The following KCND3 variants were observed in gnomAD, a reference collection of about 807,000 sequenced individuals.
KCND3 encodes the protein A-type voltage-gated potassium channel KCND3.
A neutral mutation model predicts 51.1 loss-of-function variants in KCND3; 9 were observed. That is an observed-to-expected ratio of 0.18 (90% CI 0.11 to 0.31). The LOEUF (loss-of-function observed/expected upper bound fraction) is 0.31, where lower values mean the gene tolerates loss of function less well. KCND3 is among the 10% of genes least tolerant of loss of function. The pLI is 1.00. For synonymous variants in KCND3, 349 were observed against 368.0 expected (o/e 0.95, Z 0.59); for missense variants, 526 against 903.8 (o/e 0.58, Z 5.36).
chr1:111,828,113 A>G (rs1397786378), intron 2 of KCND3, among the ~76,000 whole-genome samples: 1 of 152,216 alleles, frequency 6.6e-6, no homozygotes, highest in Non-Finnish European at 1.5e-5. Context: ...CTCTGCCCCA[A>G]GCAGCAGCAC....
chr1:111,803,580 T>A (rs1665423381), intron 2 of KCND3, among the ~76,000 whole-genome samples: 1 of 152,168 alleles, frequency 6.6e-6, no homozygotes, highest in Non-Finnish European at 1.5e-5. Flanking sequence ...CCATCACACA[T>A]ACACTCACAC....
At chr1:111,892,486 T>C (rs1477006219) in intron 2 of KCND3, among the ~76,000 whole-genome samples, 1 of 152,214 alleles carries the variant, frequency 6.6e-6, no homozygotes, top group Non-Finnish European at 1.5e-5. Flanking sequence ...AGTCATTTGC[T>C]TACAAAATAA....
intron 2 of KCND3, among the ~76,000 whole-genome samples, chr1:111,932,292 C>T (rs906730544): frequency 2.0e-5 from 3 of 152,170 alleles, no homozygotes; most frequent in Non-Finnish European, 4.4e-5. Flanking sequence ...GTTTGGGCAC[C>T]ACTGGGGGCT....
At chr1:111,984,872 T>C (rs1041690722) in intron 1 of KCND3, among the ~76,000 whole-genome samples, 1 of 152,144 alleles carries the variant, frequency 6.6e-6, no homozygotes, top group African/African-American at 2.4e-5. Context: ...TGATGCTTCC[T>C]CCTCTCCTCA....
intron 2 of KCND3, among the ~76,000 whole-genome samples, chr1:111,951,848 C>G (rs185671322): frequency 3.3e-5 from 5 of 152,292 alleles, no homozygotes; most frequent in African/African-American, 1.2e-4. Flanking sequence ...TCCAAAGGAA[C>G]ATCCAAGGTG....
chr1:111,937,665 G>C (rs942141815), intron 2 of KCND3, among the ~76,000 whole-genome samples: 1 of 152,160 alleles, frequency 6.6e-6, no homozygotes, highest in Non-Finnish European at 1.5e-5. Flanking sequence ...GAGGGACGAG[G>C]CCAGGGCATA....
At chr1:111,965,238 G>C (rs115197422) in intron 2 of KCND3, among the ~76,000 whole-genome samples, 2,272 of 152,020 alleles carry the variant, frequency 0.015, 58 homozygotes, top group African/African-American at 0.052. Flanking sequence ...GCTCATCTAA[G>C]GACCAGAAGA....
intron 1 of KCND3, among the ~76,000 whole-genome samples, chr1:111,986,002 C>G (rs1370617316): frequency 6.6e-6 from 1 of 152,210 alleles, no homozygotes; most frequent in African/African-American, 2.4e-5. Context: ...ATAGAAGAGT[C>G]AGGAACACAT....
intron 2 of KCND3, among the ~76,000 whole-genome samples, chr1:111,885,956 C>A (rs1369957922): frequency 6.6e-6 from 1 of 152,210 alleles, no homozygotes; most frequent in African/African-American, 2.4e-5. Flanking sequence ...CAGGCGTGAG[C>A]CACCGTACCC....
At position 111,914,944 on chromosome 1, in the gene KCND3, ATTT is replaced by A. The variant is rs1291076308; in HGVS notation, c.1106+66674_1106+66676del. Reference sequence around the variant, plus strand: ...ACAAAAATTTTCACTGTATTGTTGGATTTATAAAATATAGAGGTAAAATATATG... The same window carrying A: ...ACAAAAATTTTCACTGTATTGTTGGAATAAAATATAGAGGTAAAATATATG... On this transcript the variant is annotated intron_variant, in intron 2 of 7. Coordinates refer to ENST00000302127, the MANE Select transcript of KCND3 (RefSeq NM_001378969.1). Among the ~76,000 whole-genome samples the A allele has an allele frequency of 2.6e-5, 4 of 152,336 alleles. No homozygotes were observed. In the East Asian group the frequency reaches 5.8e-4, roughly 22 times the overall value.
chr1:111,813,657 G>C (rs1212328886), intron 2 of KCND3, among the ~76,000 whole-genome samples: 2 of 152,262 alleles, frequency 1.3e-5, no homozygotes, highest in South Asian at 4.1e-4. Flanking sequence ...TCTGCTCTGG[G>C]AATCTTCCCT....
chr1:111,837,389 T>C (rs75491101), intron 2 of KCND3, among the ~76,000 whole-genome samples: 624 of 152,328 alleles, frequency 4.1e-3, no homozygotes, highest in Middle Eastern at 0.01. Context: ...CTCAAAGAGA[T>C]CCAATTTTTG....
intron 2 of KCND3, among the ~76,000 whole-genome samples, chr1:111,871,599 A>G (rs544921145): frequency 6.6e-6 from 1 of 152,352 alleles, no homozygotes; most frequent in East Asian, 1.9e-4. Flanking sequence ...ACACAAAGAT[A>G]GAAAAGCAGG....
At position 111,778,583 on chromosome 1, in the gene KCND3, C is replaced by A. The variant is rs1171361218; in HGVS notation, c.1462-91G>T. 10 of 1,205,130 alleles carry A rather than the reference C, an allele frequency of 8.3e-6. No homozygotes were observed. In the Admixed American group the frequency reaches 1.6e-4, roughly 19 times the overall value. 74.7% of individuals were successfully genotyped at this position (1,205,130 alleles called of 1,614,324 possible). A position where few individuals can be genotyped will look rare whatever the true frequency, so the allele number is the denominator to read the frequency against. On this transcript the variant is annotated intron_variant, in intron 5 of 7. Coordinates refer to ENST00000302127, the MANE Select transcript of KCND3 (RefSeq NM_001378969.1). ...CAGTTTTGACATTCAATCTCTTGAT[C>A]CCGGCATTCCACCCTTTGAGTCAAA...
chr1:111,982,934 A>C lies in KCND3; in HGVS notation c.-72-136T>G. ...GCAGATTAATAAAACTGAAATCCCC[A>C]CCACAGAGAGGGGACTTGATTCTTT... On this transcript the variant is annotated intron_variant, in intron 1 of 7. Transcript: ENST00000302127. This position sits in a 1 kb window ranked among gnomAD's most constrained non-coding sequence, Gnocchi z 8.5. 1 of 672,522 alleles carries C rather than the reference A, an allele frequency of 1.5e-6. No homozygotes were observed. The allele number at this position is 672,522 out of a possible 1,614,324, so 41.7% of individuals were successfully genotyped here.
chr1:111,866,550 C>T (rs890888202), intron 2 of KCND3, among the ~76,000 whole-genome samples: 4 of 147,864 alleles, frequency 2.7e-5, no homozygotes, highest in Non-Finnish European at 3.0e-5. Flanking sequence ...TAGGCATGAG[C>T]CACTGTGCCT....
At chr1:111,814,645 C>A (rs1376969367) in intron 2 of KCND3, among the ~76,000 whole-genome samples, 1 of 152,242 alleles carries the variant, frequency 6.6e-6, no homozygotes, top group Non-Finnish European at 1.5e-5. Flanking sequence ...AAAGCAGAGA[C>A]CTTATTACCA....
intron 2 of KCND3, among the ~76,000 whole-genome samples, chr1:111,912,322 T>TCATGTA (rs1670991919): frequency 2.6e-5 from 4 of 152,242 alleles, no homozygotes; most frequent in Admixed American, 2.0e-4. Flanking sequence ...ATCTTAACAC[T>TCATGTA]GTAGTGCAAT....
At chr1:111,930,458 G>C (rs1671912292) in intron 2 of KCND3, among the ~76,000 whole-genome samples, 1 of 152,240 alleles carries the variant, frequency 6.6e-6, no homozygotes, top group African/African-American at 2.4e-5. Flanking sequence ...AATGAATGCT[G>C]GTTGGATGGA....
Sources: gnomAD v4.1 joint callset for allele counts (sites outside exome capture counted in the v4.1 genomes callset) on GRCh38, gnomAD v4.1.1 for gene constraint, Gnocchi (gnomAD v3.1) non-coding constraint, MANE v1.5 for transcripts, NCBI Gene and HGNC (gene_info 2026-07-23, HGNC 2026-07-21) for gene names.